MKRN2OS: variants seen among roughly 807,000 people sequenced by gnomAD.
MKRN2OS encodes MKRN2 opposite strand protein.
A neutral mutation model predicts 18.2 loss-of-function variants in MKRN2OS; 17 were observed. The ratio of observed to expected loss-of-function variants is 0.93; its 90% CI spans 0.64 to 1.40. The LOEUF is 1.40. MKRN2OS is among the 40% of genes most tolerant of loss of function. The probability of loss-of-function intolerance (pLI) is 0.00; values close to 1 mark genes in which losing one functional copy is unlikely to be tolerated. For synonymous variants in MKRN2OS, 121 were observed against 108.5 expected (o/e 1.12, Z -0.72); for missense variants, 337 against 283.0 (o/e 1.19, Z -1.37).
chr3:12,542,923 A>G (rs918353131), intron 2 of MKRN2OS, among the ~76,000 whole-genome samples: 6 of 152,184 alleles, frequency 3.9e-5, no homozygotes, highest in Non-Finnish European at 8.8e-5. Context: ...TTAAAAACCA[A>G]TAAAAAATGT....
chr3:12,555,311 C>CA (rs35617395), intron 1 of MKRN2OS, among the ~76,000 whole-genome samples: 4,456 of 98,238 alleles, frequency 0.045, 382 homozygotes, highest in African/African-American at 0.13. Flanking sequence ...GACTCCGTCT[C>CA]AAAAAAAAAA....
chr3:12,542,542 G>A (rs1444766251), intron 2 of MKRN2OS, among the ~76,000 whole-genome samples: 1 of 151,952 alleles, frequency 6.6e-6, no homozygotes, highest in African/African-American at 2.4e-5. Flanking sequence ...TCACCTGTGA[G>A]GCCTGGGTAG....
At chr3:12,559,428 TTTTG>T (rs1379471260) in intron 1 of MKRN2OS, among the ~76,000 whole-genome samples, 5 of 152,212 alleles carry the variant, frequency 3.3e-5, no homozygotes, top group East Asian at 1.9e-4. Context: ...TTTTTGTGGG[TTTTG>T]TTTGTTTTTT....
Position 12,545,434 on chromosome 3 carries a change from T to G in MKRN2OS, c.31A>C (p.Ile11Leu), listed in dbSNP as rs1279689629. The change falls in exon 1 of 4, where the codon ATT (isoleucine) becomes CTT (leucine). Residue 11 changes from isoleucine to leucine, a missense_variant. Transcript: ENST00000564146. MHCAEAGKAL[I>L]KFNHCEKYIY... The stretch of plus-strand genomic sequence containing the variant: ...TATTTCTCACAGTGGTTGAATTTAA[T>G]TAAAGCCTTCCCAGCCTCTGCGCAG... 6.5e-7 allele frequency: 1 copy of G among 1,534,718 alleles called. No individual in the cohort carries two copies. Among genetic ancestry groups the G allele is most frequent in the Admixed American group, 2.0e-5 (1 of 50,934 alleles).
At position 12,540,238 on chromosome 3, in the gene MKRN2OS, ACAGT is replaced by A. The variant is rs1179273220; in HGVS notation, c.623_626del (p.Asp208ValfsTer47). On this transcript the variant is annotated frameshift_variant, in exon 4 of 4. Coordinates refer to ENST00000564146, the MANE Select transcript of MKRN2OS (RefSeq NM_001195279.2). LOFTEE classifies it low-confidence loss of function (END_TRUNC). ...CAGGGGGTTGTGCCTGCTGCTGGGGACAGTCAGTGACGTAGAAGCCATGCTCCCG... is the reference window on the plus strand; with the variant it reads ...CAGGGGGTTGTGCCTGCTGCTGGGGACAGTGACGTAGAAGCCATGCTCCCG... The A allele has an allele frequency of 2.0e-6, 3 of 1,535,956 alleles. No individual in the cohort carries two copies. Among genetic ancestry groups the A allele is most frequent in the African/African-American group, 2.7e-5 (2 of 73,028 alleles).
chr3:12,545,467 C>CCTG lies in MKRN2OS; in HGVS notation c.-4_-3insCAG. On this transcript the variant is annotated 5_prime_UTR_variant, in exon 1 of 4. Coordinates refer to ENST00000564146, the MANE Select transcript of MKRN2OS (RefSeq NM_001195279.2). Reference sequence around the variant, plus strand: ...TTCCCAGCCTCTGCGCAGTGCATAGCTTTCGCCTCCTGGAATGCTAGGGGA... The same window carrying CCTG: ...TTCCCAGCCTCTGCGCAGTGCATAGCCTGTTTCGCCTCCTGGAATGCTAGGGGA... 2 of 1,507,966 alleles carry CCTG rather than the reference C, an allele frequency of 1.3e-6. No homozygotes were observed. The highest frequency in any genetic ancestry group is 2.1e-5 in the Admixed American group (1 of 47,216). 93.4% of individuals were successfully genotyped at this position (1,507,966 alleles called of 1,614,324 possible).
chr3:12,559,863 C>T lies in MKRN2OS; in HGVS notation n.264+894G>A, dbSNP rs140190769. 3.5e-3 allele frequency among the ~76,000 whole-genome samples: 539 copies of T among 152,310 alleles called. 2 individuals are homozygous for T. The highest frequency in any genetic ancestry group is 0.012 in the African/African-American group (501 of 41,552). ...TTCACCTTCTCCTCTTGTGATAGAG[C>T]TTCCCTGCATCTCATAATCACTATT... On this transcript the variant is annotated intron_variant and non_coding_transcript_variant, in intron 1 of 1. Coordinates refer to the MKRN2OS transcript ENST00000447550.
chr3:12,555,538 C>T (rs2057961852), intron 1 of MKRN2OS, among the ~76,000 whole-genome samples: 2 of 152,034 alleles, frequency 1.3e-5, no homozygotes, highest in Admixed American at 6.6e-5. Flanking sequence ...GAACATACAG[C>T]TATACATACA....
At position 12,545,499 on chromosome 3, in the gene MKRN2OS, C is replaced by T. The variant is rs777908882; in HGVS notation, c.-35G>A. The T allele has an allele frequency of 1.5e-5, 21 of 1,446,918 alleles. No homozygotes were observed. The South Asian group carries it at 1.6e-4, about 11-fold the overall frequency. The allele number at this position is 1,446,918 out of a possible 1,614,324, so 89.6% of individuals were successfully genotyped here. A position where few individuals can be genotyped will look rare whatever the true frequency, so the allele number is the denominator to read the frequency against. ...CTCCTGGAATGCTAGGGGAGGTTTCCGGAGACTTCCTTTTCCTCATTATAC... is the reference window on the plus strand; with the variant it reads ...CTCCTGGAATGCTAGGGGAGGTTTCTGGAGACTTCCTTTTCCTCATTATAC... On this transcript the variant is annotated 5_prime_UTR_variant, in exon 1 of 4. Coordinates refer to ENST00000564146, the MANE Select transcript of MKRN2OS (RefSeq NM_001195279.2).
At chr3:12,547,666 C>T (rs2057896381), upstream of MKRN2OS, among the ~76,000 whole-genome samples, 1 of 152,060 alleles carries the variant, frequency 6.6e-6, no homozygotes, top group African/African-American at 2.4e-5. Flanking sequence ...TCATGGGAAC[C>T]CACATTTTGG....
chr3:12,542,024 T>G lies in MKRN2OS; in HGVS notation c.269-2A>C. On this transcript the variant is annotated splice_acceptor_variant, in intron 2 of 3. Transcript: ENST00000564146. LOFTEE classifies it high-confidence loss of function. ...GTGCACTGTAATTATACACAACCCCTGCAAATCAAAACCAAAGTCATGTGG... is the reference window on the plus strand; with the variant it reads ...GTGCACTGTAATTATACACAACCCCGGCAAATCAAAACCAAAGTCATGTGG... The G allele has an allele frequency of 6.5e-7, 1 of 1,531,772 alleles. No individual in the cohort carries two copies. The highest frequency in any genetic ancestry group is 8.7e-7 in the Non-Finnish European group (1 of 1,143,952). 94.9% of individuals were successfully genotyped at this position (1,531,772 alleles called of 1,614,324 possible). A position where few individuals can be genotyped will look rare whatever the true frequency, so the allele number is the denominator to read the frequency against.
chr3:12,544,533 G>A (rs1389085281), intron 1 of MKRN2OS, among the ~76,000 whole-genome samples: 3 of 151,906 alleles, frequency 2.0e-5, no homozygotes, highest in African/African-American at 4.8e-5. Context: ...AAAATTAGCC[G>A]GGTGTGGTGG....
At chr3:12,545,114 A>G (rs2057867829) in intron 1 of MKRN2OS, 133 bp downstream of exon 1, 4 of 667,282 alleles carry the variant, frequency 6.0e-6, no homozygotes, top group East Asian at 5.6e-5. Flanking sequence ...GCATCTCAGG[A>G]TTTAAAGCCA....
intron 1 of MKRN2OS, among the ~76,000 whole-genome samples, chr3:12,556,011 G>A (rs2057966585): frequency 6.6e-6 from 1 of 151,928 alleles, no homozygotes; most frequent in Admixed American, 6.6e-5. Context: ...GTAGTTTCAT[G>A]AGTGTATGCA....
chr3:12,543,042 G>T, intron 2 of MKRN2OS, 138 bp downstream of exon 2: 1 of 589,758 alleles, frequency 1.7e-6, no homozygotes, highest in Non-Finnish European at 2.8e-6. Context: ...TGTGGGCAAT[G>T]CCTACCTCAT....
At chr3:12,557,150 C>T in intron 1 of MKRN2OS, 2 of 1,528,890 alleles carry the variant, frequency 1.3e-6, no homozygotes, top group Non-Finnish European at 1.8e-6. Context: ...GCCCAGCCAC[C>T]ATGAGCACCA....
Position 12,540,426 on chromosome 3 carries a change from C to G in MKRN2OS, c.439G>C (p.Asp147His). ...TAAGAGTAGCAGTTATGGTGGTTGTCTTCATACCTTATGGAGGAGAATAAG... is the reference window on the plus strand; with the variant it reads ...TAAGAGTAGCAGTTATGGTGGTTGTGTTCATACCTTATGGAGGAGAATAAG... Reference protein sequence around the residue: ...SGAWLPHRYEDNHHNCYSYAL... With the variant: ...SGAWLPHRYEHNHHNCYSYAL... The change falls in exon 4 of 4, where the codon GAC becomes CAC. Residue 147 changes from aspartate to histidine, a missense_variant. Asp to His is a moderately conservative substitution (Grantham distance 81). Coordinates refer to ENST00000564146, the MANE Select transcript of MKRN2OS (RefSeq NM_001195279.2). The G allele has an allele frequency of 6.5e-7, 1 of 1,536,112 alleles. No individual in the cohort carries two copies. The highest frequency in any genetic ancestry group is 8.7e-7 in the Non-Finnish European group (1 of 1,146,904).
Position 12,545,144 on chromosome 3 carries a change from C to T in MKRN2OS, c.218+103G>A. On this transcript the variant is annotated intron_variant, in intron 1 of 3. Coordinates refer to ENST00000564146, the MANE Select transcript of MKRN2OS (RefSeq NM_001195279.2). ...AAGCCAAAGCACCGAAAAAATTGTC[C>T]ACCAAACCTCACACATTATGTATTA... 11 of 944,444 alleles carry T rather than the reference C, an allele frequency of 1.2e-5. No homozygotes were observed. In the South Asian group the frequency reaches 2.0e-4, roughly 17 times the overall value. 58.5% of individuals were successfully genotyped at this position (944,444 alleles called of 1,614,324 possible). A position where few individuals can be genotyped will look rare whatever the true frequency, so the allele number is the denominator to read the frequency against.
chr3:12,547,897 A>G (rs1392606066), upstream of MKRN2OS, among the ~76,000 whole-genome samples: 1 of 152,256 alleles, frequency 6.6e-6, no homozygotes, highest in Non-Finnish European at 1.5e-5. Flanking sequence ...TCACAGAACT[A>G]GAAAGGACCT....
Sources: allele counts gnomAD v4.1 joint callset (sites outside exome capture counted in the v4.1 genomes callset), GRCh38; gene constraint gnomAD v4.1.1; transcripts MANE v1.5; gene names NCBI Gene and HGNC (gene_info 2026-07-23, HGNC 2026-07-21).